The following KANSL1L variants were observed in gnomAD, a reference collection of about 807,000 sequenced individuals.
KANSL1L encodes the protein KAT8 regulatory NSL complex subunit 1-like protein.
KANSL1L carries 25 observed loss-of-function variants against 108.6 expected under a neutral mutation model. The ratio of observed to expected loss-of-function variants is 0.23; its 90% CI spans 0.17 to 0.32. The LOEUF (loss-of-function observed/expected upper bound fraction) is 0.32. Among genes scored for constraint, KANSL1L ranks in the 10% least tolerant of loss-of-function variants. KANSL1L has a pLI of 1.00. For synonymous variants in KANSL1L, 405 were observed against 395.1 expected (o/e 1.03, Z -0.30); for missense variants, 1,137 against 1,125.7 (o/e 1.01, Z -0.14).
chr2:210,090,468 C>A (rs998834049), intron 5 of KANSL1L, among the ~76,000 whole-genome samples: 2 of 152,122 alleles, frequency 1.3e-5, no homozygotes, highest in Non-Finnish European at 2.9e-5. Flanking sequence ...TTAGGCACCA[C>A]AATAATTTTT....
intron 3 of KANSL1L, among the ~76,000 whole-genome samples, chr2:210,105,133 G>C (rs2094833684): frequency 6.6e-6 from 1 of 151,732 alleles, no homozygotes; most frequent in South Asian, 2.1e-4. Flanking sequence ...AACAGAGAAA[G>C]AGAAAAAAGG....
chr2:210,119,919 A>C (rs1260947860), intron 3 of KANSL1L, among the ~76,000 whole-genome samples: 4 of 152,176 alleles, frequency 2.6e-5, no homozygotes, highest in Non-Finnish European at 5.9e-5. Context: ...AGGCTACCCA[A>C]CTTCAAACTA....
intron 8 of KANSL1L, among the ~76,000 whole-genome samples, chr2:210,038,558 TATC>T (rs1230202725): frequency 6.6e-6 from 1 of 152,034 alleles, no homozygotes; most frequent in Non-Finnish European, 1.5e-5. Context: ...TTTTCATTAT[TATC>T]ATCAAGTACA....
At chr2:210,027,225 C>G (rs1559495563) in intron 12 of KANSL1L, 71 bp downstream of exon 12, 1 of 1,014,812 alleles carries the variant, frequency 9.9e-7, no homozygotes, top group South Asian at 1.3e-5. Flanking sequence ...CTTTAGTTCC[C>G]TGAATGTCAA....
chr2:210,048,881 C>T (rs1018885212), intron 6 of KANSL1L, among the ~76,000 whole-genome samples: 1 of 152,014 alleles, frequency 6.6e-6, no homozygotes, highest in Admixed American at 6.5e-5. Flanking sequence ...ATTTTAAAAC[C>T]CAATTCTTAT....
intron 6 of KANSL1L, among the ~76,000 whole-genome samples, chr2:210,066,157 G>A (rs1330551937): frequency 6.6e-6 from 1 of 152,110 alleles, no homozygotes; most frequent in Non-Finnish European, 1.5e-5. Context: ...GCTAGTTGTA[G>A]GATTAAGTCT....
intron 3 of KANSL1L, among the ~76,000 whole-genome samples, chr2:210,118,123 G>A (rs1299398099): frequency 7.6e-5 from 11 of 145,368 alleles, no homozygotes; most frequent in South Asian, 2.2e-4. Flanking sequence ...GTGAGATCAC[G>A]CCATTGTACT....
chr2:210,042,736 GATT>G (rs2094179152), intron 7 of KANSL1L, among the ~76,000 whole-genome samples: 1 of 152,074 alleles, frequency 6.6e-6, no homozygotes, highest in Admixed American at 6.6e-5. Flanking sequence ...TTGTTATATG[GATT>G]ATTATTTTAT....
At chr2:210,081,322 G>A (rs938328564) in intron 5 of KANSL1L, among the ~76,000 whole-genome samples, 1 of 152,020 alleles carries the variant, frequency 6.6e-6, no homozygotes, top group Admixed American at 6.6e-5. Context: ...AGATCTACAT[G>A]TTATTTTTGC....
intron 3 of KANSL1L, among the ~76,000 whole-genome samples, chr2:210,123,979 C>A (rs887495966): frequency 6.6e-6 from 1 of 152,052 alleles, no homozygotes; most frequent in African/African-American, 2.4e-5. Context: ...ATTTACACAT[C>A]TAATAAGAGA....
intron 4 of KANSL1L, among the ~76,000 whole-genome samples, chr2:210,103,237 T>C (rs557296247): frequency 3.3e-5 from 5 of 151,264 alleles, no homozygotes; most frequent in Non-Finnish European, 7.4e-5. Flanking sequence ...AAACACCGCA[T>C]ATTCTCACTC....
At position 210,081,107 on chromosome 2, in the gene KANSL1L, A is replaced by G. The variant is rs2094586242; in HGVS notation, c.1551-5351T>C. 2.0e-5 allele frequency among the ~76,000 whole-genome samples: 3 copies of G among 152,074 alleles called. No individual in the cohort carries two copies. In the South Asian group the frequency reaches 6.2e-4, roughly 32 times the overall value. On this transcript the variant is annotated intron_variant, in intron 5 of 14. Coordinates refer to ENST00000281772, the MANE Select transcript of KANSL1L (RefSeq NM_152519.4). The stretch of plus-strand genomic sequence containing the variant: ...GGGCAACAGGGTAAGACTGTGTCTC[A>G]GAAAAACAAAACAAACAAACAAAAA...
chr2:210,159,476 T>C (rs2095350175), intron 1 of KANSL1L, among the ~76,000 whole-genome samples: 1 of 152,166 alleles, frequency 6.6e-6, no homozygotes, highest in Non-Finnish European at 1.5e-5. Flanking sequence ...TGACATTATA[T>C]TACATTCTAG....
Position 210,098,161 on chromosome 2 carries a change from T to C in KANSL1L, c.1475A>G (p.Asn492Ser), listed in dbSNP as rs2094756751. 1 of 1,612,676 alleles carries C rather than the reference T, an allele frequency of 6.2e-7. No individual in the cohort carries two copies. Among genetic ancestry groups the C allele is most frequent in the Non-Finnish European group, 8.5e-7 (1 of 1,179,290 alleles). ...GAGGGGTGATGAAGTTGGGGACAAGTTGAGAGGGGCAATCAAACTGTTGAT... is the reference window on the plus strand; with the variant it reads ...GAGGGGTGATGAAGTTGGGGACAAGCTGAGAGGGGCAATCAAACTGTTGAT... ...EIINSLIAPL[N>S]LSPTSSPLSS... Residue 492 changes from asparagine to serine, a missense_variant, in exon 5 of 15, where the codon AAC becomes AGC. Around this residue, in one of 3 missense-constraint regions of KANSL1L, gnomAD observed 575 missense variants for 567.1 expected, o/e 1.01. Transcript: ENST00000281772.
At chr2:210,064,093 AGAG>A (rs1288779104) in intron 6 of KANSL1L, 1 of 152,174 alleles carries the variant, frequency 6.6e-6, no homozygotes, top group Non-Finnish European at 1.5e-5. Flanking sequence ...GGTTTTAAAA[AGAG>A]GAGTTCCCCT....
At position 210,154,399 on chromosome 2, in the gene KANSL1L, AATTAGT is replaced by A; in HGVS notation, c.178_183del (p.Thr60_Asn61del). Reference sequence around the variant, plus strand: ...GAGCCAAAATGTTTTAAATTCACAAAATTAGTATTAAGAGTAGGTTCAGGAGTTGGA... The same window carrying A: ...GAGCCAAAATGTTTTAAATTCACAAAATTAAGAGTAGGTTCAGGAGTTGGA... On this transcript the variant is annotated inframe_deletion, in exon 2 of 15. Transcript: ENST00000281772. 6 of 1,610,952 alleles carry A rather than the reference AATTAGT, an allele frequency of 3.7e-6. No homozygotes were observed. The highest frequency in any genetic ancestry group is 5.1e-6 in the Non-Finnish European group (6 of 1,178,874).
intron 2 of KANSL1L, among the ~76,000 whole-genome samples, chr2:210,147,545 A>G (rs10180119): frequency 1 from 152,257 of 152,350 alleles, 76,082 homozygotes; most frequent in Middle Eastern, 1. Flanking sequence ...CTTTACTTCC[A>G]TTCCACTTCT....
intron 8 of KANSL1L, among the ~76,000 whole-genome samples, chr2:210,033,695 AT>A (rs10679778): frequency 2.1e-4 from 28 of 132,978 alleles, no homozygotes; most frequent in African/African-American, 3.7e-4. Context: ...ACGCCCGGCT[AT>A]TTTTTTTTTT....
chr2:210,026,213 A>G (rs1030052392), intron 12 of KANSL1L, among the ~76,000 whole-genome samples: 4 of 152,202 alleles, frequency 2.6e-5, no homozygotes, highest in Non-Finnish European at 2.9e-5. Context: ...GTAGTTGAAA[A>G]ACATGACCAC....
Sources: allele counts gnomAD v4.1 joint callset (sites outside exome capture counted in the v4.1 genomes callset), GRCh38; gene constraint gnomAD v4.1.1; regional missense constraint gnomAD v4.1.1; transcripts MANE v1.5; gene names NCBI Gene and HGNC (gene_info 2026-07-23, HGNC 2026-07-21).